TINAG: variants seen among roughly 807,000 people sequenced by gnomAD.
The protein encoded by TINAG is tubulointerstitial nephritis antigen.
In TINAG, 83 loss-of-function variants were observed where a neutral mutation model predicts 72.7. The observed-to-expected ratio is 1.14, with a 90% CI of 0.96 to 1.37. The LOEUF (loss-of-function observed/expected upper bound fraction) is 1.37. Among genes scored for constraint, TINAG ranks in the 40% most tolerant of loss-of-function variants. The pLI is 0.00. For synonymous variants in TINAG, 234 were observed against 189.9 expected, an observed-to-expected ratio of 1.23 and a Z score of -1.91; for missense variants, 685 against 576.6, an observed-to-expected ratio of 1.19 and a Z score of -1.93.
At chr6:54,380,499 A>C (rs201145940) in intron 9 of TINAG, 27 bp from the exon 10 acceptor site, 3 of 1,594,334 alleles carry the variant, frequency 1.9e-6, no homozygotes, top group Admixed American at 3.4e-5. Context: ...TAACCATACC[A>C]ATCTTTATTA....
Position 54,342,564 on chromosome 6 carries a change from T to A in TINAG, c.625-662T>A, listed in dbSNP as rs567174086. On this transcript the variant is annotated intron_variant, in intron 4 of 10. Coordinates refer to ENST00000259782, the MANE Select transcript of TINAG (RefSeq NM_014464.4). ...TTTGTATTTTTAGTAAAGACGGGTT[T>A]TCACCATGTTGGCCAGGCTGGTCTC... Among the ~76,000 whole-genome samples the A allele has an allele frequency of 3.6e-4, 55 of 152,214 alleles. No individual in the cohort carries two copies. In the South Asian group the frequency reaches 0.011, roughly 31 times the overall value.
intron 9 of TINAG, among the ~76,000 whole-genome samples, chr6:54,373,803 AG>A (rs1478563469): frequency 6.6e-6 from 1 of 152,106 alleles, no homozygotes; most frequent in Non-Finnish European, 1.5e-5. Context: ...TCCAGTGCTA[AG>A]ATTCTATGAG....
At chr6:54,346,396 T>A (rs1785121464) in intron 5 of TINAG, among the ~76,000 whole-genome samples, 1 of 151,844 alleles carries the variant, frequency 6.6e-6, no homozygotes, top group Admixed American at 6.6e-5. Context: ...ATAGAAGTTT[T>A]AATAATAAAA....
intron 9 of TINAG, among the ~76,000 whole-genome samples, chr6:54,359,325 A>G (rs990156053): frequency 2.0e-5 from 3 of 151,728 alleles, no homozygotes; most frequent in African/African-American, 7.2e-5. Context: ...TTTTTGCCCA[A>G]TCTAGGGGCT....
At chr6:54,378,467 C>A (rs1307828139) in intron 9 of TINAG, among the ~76,000 whole-genome samples, 1 of 152,096 alleles carries the variant, frequency 6.6e-6, no homozygotes, top group Non-Finnish European at 1.5e-5. Flanking sequence ...AAACTTACAG[C>A]AACTCTAAAG....
chr6:54,347,615 T>A, intron 6 of TINAG, 98 bp downstream of exon 6: 1 of 1,179,094 alleles, frequency 8.5e-7, no homozygotes, highest in Non-Finnish European at 1.2e-6. Flanking sequence ...AAAAAGTACT[T>A]AAAAATATAT....
chr6:54,369,833 T>C (rs542488739), intron 9 of TINAG: 164 of 152,188 alleles, frequency 1.1e-3, no homozygotes, highest in African/African-American at 3.7e-3. Context: ...GTTAAACCAT[T>C]GAGGAAATAA....
At chr6:54,347,669 T>A in intron 6 of TINAG, 152 bp downstream of exon 6, 1 of 826,246 alleles carries the variant, frequency 1.2e-6, no homozygotes, top group Non-Finnish European at 1.8e-6. Context: ...TTTAAATGTA[T>A]ACTATATTTC....
At chr6:54,378,720 T>G (rs988727813) in intron 9 of TINAG, among the ~76,000 whole-genome samples, 8 of 152,164 alleles carry the variant, frequency 5.3e-5, no homozygotes, top group Non-Finnish European at 1.2e-4. Flanking sequence ...TTCTCCTTTG[T>G]ATGACTTTTC....
At position 54,373,415 on chromosome 6, in the gene TINAG, A is replaced by T. The variant is rs149011397; in HGVS notation, c.1251-7111A>T. Among the ~76,000 whole-genome samples the T allele has an allele frequency of 5.1e-4, 77 of 152,160 alleles. 1 individual carries two copies. The East Asian group carries it at 0.015, about 29-fold the overall frequency. ...AAGGCCTATTATGCCTTTCCTCTTC[A>T]CCACAGCTAGAAATGATTCTACTCT... On this transcript the variant is annotated intron_variant, in intron 9 of 10. Coordinates refer to ENST00000259782, the MANE Select transcript of TINAG (RefSeq NM_014464.4).
rs746190535 is a variant in TINAG, at chr6:54,351,361, A to T, written c.1090A>T (p.Ile364Leu). The T allele has an allele frequency of 5.0e-6, 8 of 1,610,120 alleles. No homozygotes were observed. The highest frequency in any genetic ancestry group is 1.3e-5 in the African/African-American group (1 of 74,740). Residue 364 changes from isoleucine (I) to leucine (L), a missense_variant, in exon 8 of 11, where the codon ATA (isoleucine) becomes TTA (leucine). Ile to Leu is a conservative substitution (Grantham distance 5, BLOSUM62 2). Transcript: ENST00000259782. ...PYRVSSNETE[I>L]MKEIMQNGPV... ...ATATTTTTCCATCCAGGAAACTGAG[A>T]TAATGAAAGAAATCATGCAAAATGG...
At chr6:54,366,830 T>C (rs1763439984) in intron 9 of TINAG, among the ~76,000 whole-genome samples, 2 of 151,518 alleles carry the variant, frequency 1.3e-5, no homozygotes, top group Admixed American at 1.3e-4. Context: ...AGAAAGCTGC[T>C]CCAGGAAATA....
intron 10 of TINAG, among the ~76,000 whole-genome samples, chr6:54,383,289 A>T (rs754834333): frequency 6.6e-6 from 1 of 152,132 alleles, no homozygotes; most frequent in Non-Finnish European, 1.5e-5. Flanking sequence ...AGCACTGAGA[A>T]ATCTAGGAAA....
At chr6:54,345,337 A>C (rs769617813) in intron 5 of TINAG, among the ~76,000 whole-genome samples, 8 of 152,162 alleles carry the variant, frequency 5.3e-5, no homozygotes, top group Non-Finnish European at 7.4e-5. Flanking sequence ...TAAAACATTT[A>C]TCCTTCAGTT....
chr6:54,364,093 G>C (rs1334784714), intron 9 of TINAG, among the ~76,000 whole-genome samples: 1 of 151,546 alleles, frequency 6.6e-6, no homozygotes, highest in African/African-American at 2.4e-5. Context: ...GGAATGTACA[G>C]TTAGAAATGT....
At chr6:54,387,851 A>C (rs1409651460) in intron 10 of TINAG, among the ~76,000 whole-genome samples, 2 of 152,162 alleles carry the variant, frequency 1.3e-5, no homozygotes, top group African/African-American at 4.8e-5. Context: ...AATAGAAGAA[A>C]TGAGAGTAGG....
intron 1 of TINAG, among the ~76,000 whole-genome samples, chr6:54,319,488 A>T (rs1317568899): frequency 1.3e-5 from 2 of 152,146 alleles, no homozygotes; most frequent in East Asian, 3.8e-4. Context: ...CCAAAATTCC[A>T]TATGAAAGGG....
At chr6:54,331,037 A>C (rs1323619426) in intron 4 of TINAG, among the ~76,000 whole-genome samples, 4 of 152,192 alleles carry the variant, frequency 2.6e-5, no homozygotes, top group Admixed American at 6.5e-5. Context: ...TACAAAGAGG[A>C]GCTGGTACCA....
At chr6:54,323,713 G>A (rs1359188459) in intron 3 of TINAG, among the ~76,000 whole-genome samples, 1 of 152,150 alleles carries the variant, frequency 6.6e-6, no homozygotes, top group Non-Finnish European at 1.5e-5. Context: ...CAGCACTTTG[G>A]GAGGCCAAGA....
Sources: gnomAD v4.1 joint callset for allele counts (sites outside exome capture counted in the v4.1 genomes callset) on GRCh38, gnomAD v4.1.1 for gene constraint, MANE v1.5 for transcripts, NCBI Gene and HGNC (gene_info 2026-07-23, HGNC 2026-07-21) for gene names.